Variants in C19orf44 observed in about 807,000 individuals in gnomAD.
C19orf44 encodes uncharacterized protein C19orf44.
In C19orf44, 43 loss-of-function variants were observed where a neutral mutation model predicts 50.7. The ratio of observed to expected loss-of-function variants is 0.85; its 90% CI spans 0.66 to 1.09. C19orf44 has a LOEUF of 1.09. C19orf44 is among the 50% of genes least tolerant of loss of function. The probability of loss-of-function intolerance (pLI) is 0.00; values close to 1 mark genes in which losing one functional copy is unlikely to be tolerated. For synonymous variants in C19orf44, 298 were observed against 334.7 expected (o/e 0.89, Z 1.20); for missense variants, 722 against 836.2 (o/e 0.86, Z 1.68).
chr19:16,499,289 T>C (rs2093418278), intron 1 of C19orf44, among the ~76,000 whole-genome samples: 2 of 151,990 alleles, frequency 1.3e-5, no homozygotes, highest in Admixed American at 1.3e-4. Flanking sequence ...AGAATCTTTT[T>C]TTTTTCTTTT....
rs749546317 is a variant in C19orf44 at position 16,501,384 on chromosome 19, A to C, written c.592A>C (p.Thr198Pro). ...APAGKERTLQ[T>P]PKQKEPARTF... The stretch of plus-strand genomic sequence containing the variant: ...TGCTGGGAAAGAGAGGACTTTGCAA[A>C]CCCCCAAACAGAAAGAACCTGCTAG... The change falls in exon 2 of 9, where the codon ACC becomes CCC. Residue 198 changes from threonine (T) to proline (P), a missense_variant. Thr to Pro is a conservative substitution (Grantham distance 38). Coordinates refer to ENST00000221671, the MANE Select transcript of C19orf44 (RefSeq NM_032207.4). 3 of 1,613,690 alleles carry C rather than the reference A, an allele frequency of 1.9e-6. No individual in the cohort carries two copies. Among genetic ancestry groups the C allele is most frequent in the South Asian group, 2.2e-5 (2 of 91,048 alleles).
At chr19:16,514,177 A>G (rs1457917767) in intron 6 of C19orf44, among the ~76,000 whole-genome samples, 1 of 150,080 alleles carries the variant, frequency 6.7e-6, no homozygotes, top group Non-Finnish European at 1.5e-5. Flanking sequence ...TTTTTTTAGT[A>G]GAGATGGGGT....
Position 16,503,359 on chromosome 19 carries a change from G to A in C19orf44, c.1054G>A (p.Gly352Ser). The change falls in exon 3 of 9, where the codon GGT becomes AGT. Residue 352 changes from glycine to serine, a missense_variant. Transcript: ENST00000221671. ...AETVDEPVSEGADDSLDEFRI... is the reference protein window; with the variant it reads ...AETVDEPVSESADDSLDEFRI... ...GACTGTGGACGAGCCAGTCTCAGAA[G>A]GTGCTGATGACAGCCTCGACGGTAA... is the stretch of plus-strand genomic sequence containing the variant. 7 of 1,611,096 alleles carry A rather than the reference G, an allele frequency of 4.3e-6. No individual in the cohort carries two copies. The highest frequency in any genetic ancestry group is 5.9e-6 in the Non-Finnish European group (7 of 1,177,410).
chr19:16,509,058 G>A (rs1464877318), intron 4 of C19orf44, among the ~76,000 whole-genome samples: 1 of 152,048 alleles, frequency 6.6e-6, no homozygotes. Context: ...AACCTCAGGT[G>A]ATCTGCCCGC....
rs780296524 is a variant in C19orf44, at chr19:16,500,898, A to T, written c.106A>T (p.Ile36Phe). 6.2e-7 allele frequency: 1 copy of T among 1,613,886 alleles called. No individual in the cohort carries two copies. The highest frequency in any genetic ancestry group is 1.7e-5 in the Admixed American group (1 of 59,888). Reference protein sequence around the residue: ...STMEEIRNFQISRNLTKIAPG... With the variant: ...STMEEIRNFQFSRNLTKIAPG... The stretch of plus-strand genomic sequence containing the variant: ...AATGGAAGAAATCAGAAACTTCCAG[A>T]TCAGTAGAAATCTTACCAAAATAGC... Residue 36 changes from isoleucine to phenylalanine, a missense_variant, in exon 2 of 9, where the codon ATC (isoleucine) becomes TTC (phenylalanine). Physicochemically the swap from Ile to Phe is conservative, Grantham distance 21 (BLOSUM62 0). Coordinates refer to ENST00000221671, the MANE Select transcript of C19orf44 (RefSeq NM_032207.4).
At chr19:16,512,897 A>G in intron 5 of C19orf44, 117 bp from the exon 6 acceptor site, 1 of 767,342 alleles carries the variant, frequency 1.3e-6, no homozygotes, top group East Asian at 2.7e-5. Flanking sequence ...AGTGGCGATC[A>G]CCTTCAGAAA....
At chr19:16,502,519 G>A (rs763124498) in intron 2 of C19orf44, among the ~76,000 whole-genome samples, 1 of 151,864 alleles carries the variant, frequency 6.6e-6, no homozygotes, top group Non-Finnish European at 1.5e-5. Context: ...TTACAGGCGT[G>A]AGCCACCACG....
chr19:16,500,016 T>C (rs1230620416), intron 1 of C19orf44, among the ~76,000 whole-genome samples: 1 of 152,082 alleles, frequency 6.6e-6, no homozygotes, highest in Non-Finnish European at 1.5e-5. Context: ...CTTGAACTTA[T>C]GACCTCGTGA....
chr19:16,506,270 T>C (rs1409553197), intron 3 of C19orf44, among the ~76,000 whole-genome samples: 2 of 150,644 alleles, frequency 1.3e-5, no homozygotes, highest in Non-Finnish European at 3.0e-5. Flanking sequence ...TCACCGCGCC[T>C]GGCCATGTCT....
intron 5 of C19orf44, among the ~76,000 whole-genome samples, chr19:16,512,469 A>G (rs549900362): frequency 6.6e-6 from 1 of 152,242 alleles, no homozygotes; most frequent in South Asian, 2.1e-4. Context: ...AGCCACCGTG[A>G]GCCGGAGCCA....
Position 16,519,346 on chromosome 19 carries a change from C to T in C19orf44, c.*41-748C>T. On this transcript the variant is annotated intron_variant, in intron 8 of 8. Transcript: ENST00000221671. The surrounding 1 kb of genome is among the most constrained non-coding windows in gnomAD (Gnocchi z 6.0). ...CTTCGCACCGAGGCCGCCTGAGCCG[C>T]TCCAGCCTGGAAACAGAGACGCAGT... 2 of 1,610,906 alleles carry T rather than the reference C, an allele frequency of 1.2e-6. No individual in the cohort carries two copies. The highest frequency in any genetic ancestry group is 1.7e-6 in the Non-Finnish European group (2 of 1,179,376).
intron 5 of C19orf44, among the ~76,000 whole-genome samples, chr19:16,511,384 T>C (rs887475949): frequency 8.6e-5 from 13 of 151,954 alleles, no homozygotes; most frequent in Admixed American, 2.0e-4. Flanking sequence ...CTCCCTATGT[T>C]CCCCAGCCTG....
chr19:16,508,512 T>C (rs770675152), intron 4 of C19orf44, among the ~76,000 whole-genome samples: 4 of 152,134 alleles, frequency 2.6e-5, no homozygotes, highest in Non-Finnish European at 5.9e-5. Context: ...CCCAGCCTCC[T>C]GAGTAGCTGA....
intron 4 of C19orf44, 47 bp from the exon 5 acceptor site, chr19:16,509,452 A>T (rs776525596): frequency 2.9e-5 from 44 of 1,523,290 alleles, no homozygotes; most frequent in Non-Finnish European, 3.8e-5. Flanking sequence ...TAGCATGTTG[A>T]TATTTCCAAA....
chr19:16,514,803 G>A (rs1855865815), intron 7 of C19orf44, 140 bp downstream of exon 7: 2 of 848,904 alleles, frequency 2.4e-6, no homozygotes, highest in Non-Finnish European at 3.2e-6. Flanking sequence ...GCCATCACCT[G>A]TCCCTGTGGA....
At chr19:16,500,022 C>G (rs185944930) in intron 1 of C19orf44, among the ~76,000 whole-genome samples, 1 of 152,044 alleles carries the variant, frequency 6.6e-6, no homozygotes, top group African/African-American at 2.4e-5. Flanking sequence ...CTTATGACCT[C>G]GTGATCCACC....
At chr19:16,499,663 T>C (rs913145361) in intron 1 of C19orf44, 1 of 152,170 alleles carries the variant, frequency 6.6e-6, no homozygotes, top group African/African-American at 2.4e-5. Flanking sequence ...CAGGGGTATA[T>C]GGGAACTCTG....
intron 3 of C19orf44, 113 bp downstream of exon 3, chr19:16,503,493 C>T (rs1346665522): frequency 1.5e-5 from 16 of 1,075,530 alleles, no homozygotes; most frequent in Non-Finnish European, 2.0e-5. Context: ...AGTTTTGAGT[C>T]GCATCTCACA....
At chr19:16,498,427 G>A (rs2093415962) in intron 1 of C19orf44, among the ~76,000 whole-genome samples, 1 of 152,092 alleles carries the variant, frequency 6.6e-6, no homozygotes, top group East Asian at 1.9e-4. Flanking sequence ...GGGACTACAG[G>A]TGTGTGCCAT....
Sources: allele counts gnomAD v4.1 joint callset (sites outside exome capture counted in the v4.1 genomes callset), GRCh38; gene constraint gnomAD v4.1.1; non-coding constraint Gnocchi (gnomAD v3.1); transcripts MANE v1.5; gene names NCBI Gene and HGNC (gene_info 2026-07-23, HGNC 2026-07-21).